The following USP32 variants were observed in gnomAD, a reference collection of about 807,000 sequenced individuals.
USP32 encodes ubiquitin specific peptidase 32.
In USP32, 59 loss-of-function variants were observed where a neutral mutation model predicts 204.8. The observed-to-expected ratio is 0.29, with a 90% confidence interval of 0.23 to 0.36. USP32 has a LOEUF of 0.36. Ranked by LOEUF, USP32 falls within the 10% of genes least tolerant of loss-of-function variation. The pLI is 1.00. For synonymous variants in USP32, 517 were observed against 678.4 expected, an observed-to-expected ratio of 0.76 and a Z score of 3.70; for missense variants, 1,160 against 1,946.4, an observed-to-expected ratio of 0.60 and a Z score of 7.60.
intron 5 of USP32, among the ~76,000 whole-genome samples, chr17:60,272,248 C>T (rs931916042): frequency 2.0e-5 from 3 of 152,206 alleles, no homozygotes; most frequent in Admixed American, 2.0e-4. Flanking sequence ...ATGACTTACA[C>T]ATTCAATACT....
At chr17:60,353,656 G>A (rs1044164286) in intron 1 of USP32, among the ~76,000 whole-genome samples, 6 of 152,092 alleles carry the variant, frequency 3.9e-5, no homozygotes, top group South Asian at 2.1e-4. Flanking sequence ...CAGGAGAATC[G>A]TTCGAACCTG....
At chr17:60,413,577 T>C (rs992993468) in intron 1 of USP32, among the ~76,000 whole-genome samples, 9 of 152,128 alleles carry the variant, frequency 5.9e-5, no homozygotes, top group African/African-American at 2.2e-4. Flanking sequence ...CAGAAAAGAA[T>C]GTTACTGGCT....
chr17:60,319,969 G>A (rs1598240884), intron 2 of USP32, among the ~76,000 whole-genome samples: 1 of 152,098 alleles, frequency 6.6e-6, no homozygotes, highest in African/African-American at 2.4e-5. Context: ...ATCCTGGTGG[G>A]CCTAGAATCA....
intron 1 of USP32, among the ~76,000 whole-genome samples, chr17:60,412,554 G>T (rs2090027055): frequency 6.6e-6 from 1 of 150,994 alleles, no homozygotes; most frequent in Admixed American, 6.6e-5. Flanking sequence ...AAAAAAAATA[G>T]TGATTTCCAG....
intron 11 of USP32, among the ~76,000 whole-genome samples, chr17:60,237,209 C>T (rs2085753997): frequency 6.6e-6 from 1 of 151,792 alleles, no homozygotes; most frequent in African/African-American, 2.4e-5. Flanking sequence ...GGTGCAATCT[C>T]AGCTCGCTGA....
chr17:60,232,476 A>ATTTTTTT (rs764051983), intron 12 of USP32, among the ~76,000 whole-genome samples: 9 of 120,372 alleles, frequency 7.5e-5, no homozygotes, highest in African/African-American at 3.3e-4. Flanking sequence ...CCTGGCCCAA[A>ATTTTTTT]TTTTTTTTTT....
chr17:60,330,555 C>CT (rs1301241560), intron 2 of USP32, among the ~76,000 whole-genome samples: 6 of 146,342 alleles, frequency 4.1e-5, no homozygotes, highest in South Asian at 2.2e-4. Context: ...CTCTCTCTCT[C>CT]TTTTTTTTAA....
At chr17:60,194,366 C>T (rs773290176) in intron 27 of USP32, among the ~76,000 whole-genome samples, 6 of 152,162 alleles carry the variant, frequency 3.9e-5, no homozygotes, top group Admixed American at 1.3e-4. Context: ...TATTCTCATA[C>T]GTTCCAGAAC....
At chr17:60,382,555 A>G (rs2089663088) in intron 1 of USP32, among the ~76,000 whole-genome samples, 1 of 152,188 alleles carries the variant, frequency 6.6e-6, no homozygotes, top group Non-Finnish European at 1.5e-5. Flanking sequence ...AGAGAAAAAG[A>G]GTCTTAGACC....
chr17:60,271,243 CAT>C (rs772982795), intron 6 of USP32, 105 bp downstream of exon 6: 35 of 1,413,660 alleles, frequency 2.5e-5, no homozygotes, highest in Non-Finnish European at 3.2e-5. Flanking sequence ...AACCTGCAAA[CAT>C]ATGAGAAGAT....
At chr17:60,215,780 G>C (rs1341404404) in intron 16 of USP32, among the ~76,000 whole-genome samples, 1 of 152,036 alleles carries the variant, frequency 6.6e-6, no homozygotes, top group African/African-American at 2.4e-5. Context: ...TTGAGATAAG[G>C]TCTCATTCTG....
intron 2 of USP32, among the ~76,000 whole-genome samples, chr17:60,319,434 T>C (rs1053415990): frequency 5.3e-5 from 8 of 152,104 alleles, no homozygotes; most frequent in Admixed American, 5.2e-4. Context: ...GGGACTCAGA[T>C]TAAGAATATT....
chr17:60,227,136 T>G (rs1330880992), intron 12 of USP32, among the ~76,000 whole-genome samples: 1 of 151,910 alleles, frequency 6.6e-6, no homozygotes, highest in African/African-American at 2.4e-5. Flanking sequence ...TCATATTTTC[T>G]CTATTTCTCT....
intron 1 of USP32, among the ~76,000 whole-genome samples, chr17:60,410,256 T>G (rs1330139847): frequency 6.6e-6 from 1 of 152,108 alleles, no homozygotes; most frequent in African/African-American, 2.4e-5. Context: ...TCTTGTAACC[T>G]CCACCCAGAA....
At chr17:60,204,252 C>T (rs987695658) in intron 26 of USP32, among the ~76,000 whole-genome samples, 33 of 152,168 alleles carry the variant, frequency 2.2e-4, no homozygotes, top group African/African-American at 7.2e-4. Flanking sequence ...ATTTACGTGG[C>T]AGTGAAGATA....
rs563077779 is a variant in USP32 at position 60,331,257 on chromosome 17, G to T, written c.186+14224C>A. ...TTTTACCAACTTTTGTGAAACAACT[G>T]AAGTACAATAAAACTGCATATACTT... On this transcript the variant is annotated intron_variant, in intron 2 of 33. Coordinates refer to ENST00000300896, the MANE Select transcript of USP32 (RefSeq NM_032582.4). Among the ~76,000 whole-genome samples the T allele has an allele frequency of 3.3e-5, 5 of 152,282 alleles. No individual in the cohort carries two copies. The East Asian group carries it at 5.8e-4, about 18-fold the overall frequency.
At position 60,319,186 on chromosome 17, in the gene USP32, T is replaced by C. The variant is rs574012713; in HGVS notation, c.187-17482A>G. Among the ~76,000 whole-genome samples the C allele has an allele frequency of 3.3e-5, 5 of 152,332 alleles. No homozygotes were observed. The South Asian group carries it at 8.3e-4, about 25-fold the overall frequency. On this transcript the variant is annotated intron_variant, in intron 2 of 33. Transcript: ENST00000300896. Reference sequence around the variant, plus strand: ...GATAGTGGTGATGGCTGCAAAATATTGTGAATGTAGTTAGTGTCTGTGAAC... The same window carrying C: ...GATAGTGGTGATGGCTGCAAAATATCGTGAATGTAGTTAGTGTCTGTGAAC...
Position 60,179,033 on chromosome 17 carries a change from T to C in USP32, c.*222A>G. On this transcript the variant is annotated 3_prime_UTR_variant, in exon 34 of 34. Transcript: ENST00000300896. ...TTGTTTACAGGCTAATGGTGGGATC[T>C]GCCTGAAAGTTCTCTATCGGAGAGC... The C allele has an allele frequency of 2.0e-6, 1 of 492,540 alleles. No homozygotes were observed. The highest frequency in any genetic ancestry group is 3.5e-6 in the Non-Finnish European group (1 of 287,338). The allele number at this position is 492,540 out of a possible 1,614,324, so 30.5% of individuals were successfully genotyped here.
intron 2 of USP32, among the ~76,000 whole-genome samples, chr17:60,322,501 A>T (rs960332724): frequency 6.6e-6 from 1 of 152,220 alleles, no homozygotes; most frequent in Admixed American, 6.5e-5. Context: ...TTGGTATTTT[A>T]AAAATAGATT....
Sources: gnomAD v4.1 joint callset for allele counts (sites outside exome capture counted in the v4.1 genomes callset) on GRCh38, gnomAD v4.1.1 for gene constraint, MANE v1.5 for transcripts, NCBI Gene and HGNC (gene_info 2026-07-23, HGNC 2026-07-21) for gene names.